SRBD1: variants seen among roughly 807,000 people sequenced by gnomAD.
SRBD1 encodes the protein S1 RNA-binding domain-containing protein 1.
A neutral mutation model predicts 115.3 loss-of-function variants in SRBD1; 88 were observed. The ratio of observed to expected loss-of-function variants is 0.76; its 90% confidence interval spans 0.64 to 0.91. The LOEUF is 0.91. Ranked by LOEUF, SRBD1 falls within the 40% of genes least tolerant of loss-of-function variation. The probability of loss-of-function intolerance (pLI) is 0.00; values close to 1 mark genes in which losing one functional copy is unlikely to be tolerated. For synonymous variants in SRBD1, 509 were observed against 407.7 expected, an observed-to-expected ratio of 1.25 and a Z score of -2.99; for missense variants, 1,385 against 1,177.4, an observed-to-expected ratio of 1.18 and a Z score of -2.58.
Position 45,393,033 on chromosome 2 carries a change from T to C in SRBD1, c.2610A>G (p.Lys870=). ...CTGTTGTTTGCAATCTTTCTGCAAT[T>C]TTCTCCATTCCTTCCTTTTCAAGGA... ...NSFLEKEGME[K]IAERLQTTVH... Residue 870 remains lysine, a synonymous_variant, in exon 20 of 21, where the codon AAA becomes AAG. Coordinates refer to ENST00000263736, the MANE Select transcript of SRBD1 (RefSeq NM_018079.5). 1 of 1,614,092 alleles carries C rather than the reference T, an allele frequency of 6.2e-7. No individual in the cohort carries two copies. The highest frequency in any genetic ancestry group is 1.1e-5 in the South Asian group (1 of 91,074).
intron 14 of SRBD1, among the ~76,000 whole-genome samples, chr2:45,530,995 T>A (rs1488995793): frequency 6.7e-6 from 1 of 148,362 alleles, no homozygotes; most frequent in African/African-American, 2.4e-5. Context: ...ACTTTCTTCA[T>A]CACAGAATCA....
chr2:45,545,008 C>T (rs952060388), intron 14 of SRBD1, among the ~76,000 whole-genome samples: 1 of 151,952 alleles, frequency 6.6e-6, no homozygotes, highest in African/African-American at 2.4e-5. Flanking sequence ...AGGCCGGGCG[C>T]GGTGGCTCAT....
At chr2:45,581,472 G>C (rs1049335883) in intron 6 of SRBD1, among the ~76,000 whole-genome samples, 3 of 152,028 alleles carry the variant, frequency 2.0e-5, no homozygotes, top group Admixed American at 6.6e-5. Context: ...GAAATTCCTT[G>C]AGACAAAGAC....
At chr2:45,558,010 A>G (rs1282258472) in intron 10 of SRBD1, among the ~76,000 whole-genome samples, 3 of 152,246 alleles carry the variant, frequency 2.0e-5, no homozygotes, top group East Asian at 1.9e-4. Context: ...CTTCATATAT[A>G]TAAGATAAAG....
intron 16 of SRBD1, among the ~76,000 whole-genome samples, chr2:45,428,234 C>G (rs1668217490): frequency 6.6e-6 from 1 of 152,154 alleles, no homozygotes; most frequent in African/African-American, 2.4e-5. Flanking sequence ...ACTGAACAAC[C>G]CGCTCCTGAA....
intron 14 of SRBD1, among the ~76,000 whole-genome samples, chr2:45,544,119 G>T (rs559285856): frequency 6.6e-6 from 1 of 151,396 alleles, no homozygotes; most frequent in Non-Finnish European, 1.5e-5. Flanking sequence ...TGTAGTCCCA[G>T]CTACTCGGGA....
At chr2:45,402,075 C>G (rs541111948) in intron 19 of SRBD1, among the ~76,000 whole-genome samples, 3 of 152,132 alleles carry the variant, frequency 2.0e-5, no homozygotes, top group Non-Finnish European at 4.4e-5. Flanking sequence ...TCTTCACTAT[C>G]TGGCTTGACT....
intron 16 of SRBD1, among the ~76,000 whole-genome samples, chr2:45,428,070 C>A (rs1668212337): frequency 6.6e-6 from 1 of 152,186 alleles, no homozygotes; most frequent in Non-Finnish European, 1.5e-5. Context: ...CCACATCGCA[C>A]TTATTCTAAA....
chr2:45,535,026 T>A (rs1210780449), intron 14 of SRBD1, among the ~76,000 whole-genome samples: 1 of 152,018 alleles, frequency 6.6e-6, no homozygotes, highest in Non-Finnish European at 1.5e-5. Context: ...ATTGTTAGAT[T>A]AGGTCCAAAA....
At chr2:45,427,084 A>T (rs13423490) in intron 16 of SRBD1, among the ~76,000 whole-genome samples, 1 of 152,158 alleles carries the variant, frequency 6.6e-6, no homozygotes, top group Non-Finnish European at 1.5e-5. Flanking sequence ...AACCCAATAC[A>T]AGGAAACTAA....
At chr2:45,494,053 A>G (rs1363227376) in intron 14 of SRBD1, among the ~76,000 whole-genome samples, 2 of 151,196 alleles carry the variant, frequency 1.3e-5, no homozygotes, top group African/African-American at 4.9e-5. Context: ...TTATGATAGC[A>G]CAACTGTGAC....
At chr2:45,390,640 C>T (rs913280263) in intron 20 of SRBD1, among the ~76,000 whole-genome samples, 1 of 152,094 alleles carries the variant, frequency 6.6e-6, no homozygotes, top group Non-Finnish European at 1.5e-5. Flanking sequence ...GCCTCATTTT[C>T]CCCTCCACCC....
rs2103726076 is a variant in SRBD1, at chr2:45,446,004, T to C, written c.2050-26110A>G. Among the ~76,000 whole-genome samples, 3 of 152,286 alleles carry C rather than the reference T, an allele frequency of 2.0e-5. No homozygotes were observed. The Middle Eastern group carries it at 0.01, about 518-fold the overall frequency. On this transcript the variant is annotated intron_variant, in intron 16 of 20. Coordinates refer to ENST00000263736, the MANE Select transcript of SRBD1 (RefSeq NM_018079.5). ...GTAAGAAAAGTCAGAAGGAAGAAGT[T>C]GTAGGCTGACACATACATGATGGGG...
chr2:45,488,109 C>T lies in SRBD1; in HGVS notation c.1966+131G>A. ...ATTAGTCCAATTAACCACTTTCTTT[C>T]TAATATGCCAATTCTTATGCATGTA... On this transcript the variant is annotated intron_variant, in intron 15 of 20. Coordinates refer to ENST00000263736, the MANE Select transcript of SRBD1 (RefSeq NM_018079.5). 5.6e-6 allele frequency: 4 copies of T among 715,308 alleles called. No individual in the cohort carries two copies. In the South Asian group the frequency reaches 6.7e-5, roughly 12 times the overall value. 44.3% of individuals were successfully genotyped at this position (715,308 alleles called of 1,614,324 possible). A position where few individuals can be genotyped will look rare whatever the true frequency, so the allele number is the denominator to read the frequency against.
At chr2:45,516,009 T>G (rs1409366677) in intron 14 of SRBD1, among the ~76,000 whole-genome samples, 1 of 152,160 alleles carries the variant, frequency 6.6e-6, no homozygotes, top group East Asian at 1.9e-4. Context: ...TTACCTATGT[T>G]TTTCTTCCAC....
chr2:45,599,884 T>A (rs772589812), intron 3 of SRBD1, 49 bp from the exon 4 acceptor site: 1 of 1,539,278 alleles, frequency 6.5e-7, no homozygotes. Context: ...TAAAAAGCAA[T>A]TTCCTGGGAC....
In SRBD1 at chr2:45,519,914, G is replaced by A. The variant is rs1487254088; in HGVS notation, c.1874+26818C>T. 3.3e-5 allele frequency among the ~76,000 whole-genome samples: 5 copies of A among 152,218 alleles called. No homozygotes were observed. The South Asian group carries it at 6.2e-4, about 19-fold the overall frequency. On this transcript the variant is annotated intron_variant, in intron 14 of 20. Coordinates refer to ENST00000263736, the MANE Select transcript of SRBD1 (RefSeq NM_018079.5). ...CATATGAGGAAAACAAGGCACAGAA[G>A]GGTTAAGTAACCAAACCAAGACCAA...
At chr2:45,396,198 T>C (rs777388653) in intron 19 of SRBD1, among the ~76,000 whole-genome samples, 7 of 152,182 alleles carry the variant, frequency 4.6e-5, no homozygotes, top group Non-Finnish European at 7.4e-5. Flanking sequence ...ACTGGAGTTT[T>C]ATGCCACACA....
chr2:45,558,107 C>A (rs773435573), intron 10 of SRBD1, among the ~76,000 whole-genome samples: 1 of 152,064 alleles, frequency 6.6e-6, no homozygotes, highest in Non-Finnish European at 1.5e-5. Flanking sequence ...AACAGCAGCA[C>A]AATTTTAGGG....
Sources: allele counts gnomAD v4.1 joint callset (sites outside exome capture counted in the v4.1 genomes callset), GRCh38; gene constraint gnomAD v4.1.1; transcripts MANE v1.5; gene names NCBI Gene and HGNC (gene_info 2026-07-23, HGNC 2026-07-21).